The following MEI4 variants were observed in gnomAD, a reference collection of about 807,000 sequenced individuals.
MEI4 encodes the protein meiosis-specific protein MEI4.
A neutral mutation model predicts 31.4 loss-of-function variants in MEI4; 27 were observed. The ratio of observed to expected loss-of-function variants is 0.86; its 90% confidence interval spans 0.63 to 1.19. The LOEUF (loss-of-function observed/expected upper bound fraction) is 1.19, where lower values mean the gene tolerates loss of function less well. Among genes scored for constraint, MEI4 ranks in the 50% most tolerant of loss-of-function variants. MEI4 has a pLI of 0.00. For synonymous variants in MEI4, 122 were observed against 145.4 expected (o/e 0.84, Z 1.16); for missense variants, 329 against 398.9 (o/e 0.82, Z 1.49).
chr6:77,698,220 C>T (rs1766107276), intron 2 of MEI4, among the ~76,000 whole-genome samples: 1 of 152,112 alleles, frequency 6.6e-6, no homozygotes, highest in Admixed American at 6.5e-5. Context: ...CTTCTTTATC[C>T]AATTTGCCAG....
chr6:77,754,215 A>G (rs754444245), intron 2 of MEI4, among the ~76,000 whole-genome samples: 3 of 152,206 alleles, frequency 2.0e-5, no homozygotes, highest in Non-Finnish European at 2.9e-5. Context: ...ACAAACCTGC[A>G]TGTTCTGCAC....
intron 3 of MEI4, among the ~76,000 whole-genome samples, chr6:77,768,896 G>A (rs1338629065): frequency 1.3e-5 from 2 of 151,964 alleles, no homozygotes; most frequent in African/African-American, 4.8e-5. Flanking sequence ...TTTTGCTTGT[G>A]TGTACATAAA....
At chr6:77,852,631 T>C (rs78218699) in intron 4 of MEI4, among the ~76,000 whole-genome samples, 1,522 of 150,110 alleles carry the variant, frequency 0.01, 9 homozygotes, top group Non-Finnish European at 0.017. Context: ...AAGTCCAAGA[T>C]TAAGGCATTG....
At chr6:77,912,755 C>G (rs571055317) in intron 4 of MEI4, among the ~76,000 whole-genome samples, 1 of 152,198 alleles carries the variant, frequency 6.6e-6, no homozygotes, top group South Asian at 2.1e-4. Context: ...CCTAAAGGAA[C>G]AGTTTGACTT....
intron 3 of MEI4, among the ~76,000 whole-genome samples, chr6:77,767,926 C>T (rs1372699777): frequency 7.9e-5 from 12 of 152,174 alleles, no homozygotes; most frequent in Admixed American, 7.9e-4. Context: ...GAACTTTCTT[C>T]AATTTACTTT....
rs371262195 is a variant in MEI4 at position 77,678,379 on chromosome 6, T to G, written c.-14-12279T>G. On this transcript the variant is annotated intron_variant, in intron 1 of 4. Transcript: ENST00000684080. ...TCTCTAATTGGTTAGATCTCAAATT[T>G]TGAGGAAGGCAAGTTCTGATTGGTA... Among the ~76,000 whole-genome samples, 27 of 152,312 alleles carry G rather than the reference T, an allele frequency of 1.8e-4. No homozygotes were observed. In the South Asian group the frequency reaches 5.2e-3, roughly 29 times the overall value.
At chr6:77,795,351 C>G (rs1274680292) in intron 3 of MEI4, among the ~76,000 whole-genome samples, 1 of 152,102 alleles carries the variant, frequency 6.6e-6, no homozygotes, top group East Asian at 1.9e-4. Flanking sequence ...AAAAGACATG[C>G]TTTCCCTCTG....
intron 1 of MEI4, among the ~76,000 whole-genome samples, chr6:77,675,124 ATG>A (rs1247183893): frequency 4.6e-5 from 7 of 152,096 alleles, no homozygotes; most frequent in Non-Finnish European, 1.0e-4. Flanking sequence ...AGTTTTTAAC[ATG>A]TGTCTTTTTG....
intron 4 of MEI4, among the ~76,000 whole-genome samples, chr6:77,913,138 C>T (rs1256963102): frequency 6.6e-6 from 1 of 152,118 alleles, no homozygotes; most frequent in South Asian, 2.1e-4. Flanking sequence ...GGGATGAATT[C>T]TACTTGATCG....
intron 2 of MEI4, among the ~76,000 whole-genome samples, chr6:77,711,004 C>A (rs1766452040): frequency 1.3e-5 from 2 of 152,176 alleles, no homozygotes. Context: ...AATGGAACCC[C>A]CATTCTATTT....
chr6:77,838,492 ACT>A (rs1770277734), intron 4 of MEI4, among the ~76,000 whole-genome samples: 1 of 152,172 alleles, frequency 6.6e-6, no homozygotes, highest in South Asian at 2.1e-4. Context: ...AAAGCTTTAA[ACT>A]CTGTAAACTC....
intron 3 of MEI4, among the ~76,000 whole-genome samples, chr6:77,799,337 G>C (rs1582157909): frequency 6.6e-6 from 1 of 152,052 alleles, no homozygotes; most frequent in Non-Finnish European, 1.5e-5. Context: ...TTTTGATGGG[G>C]TTGTTTGTTT....
At chr6:77,744,544 T>TGGGGAAG in intron 2 of MEI4, among the ~76,000 whole-genome samples, 1 of 152,172 alleles carries the variant, frequency 6.6e-6, no homozygotes, top group South Asian at 2.1e-4. Context: ...GAAAACACTT[T>TGGGGAAG]TCAGGATATT....
chr6:77,780,071 T>C (rs1026071435), intron 3 of MEI4, among the ~76,000 whole-genome samples: 3 of 152,148 alleles, frequency 2.0e-5, no homozygotes, highest in Admixed American at 6.6e-5. Flanking sequence ...CAGACCAGCT[T>C]GCAGGCTGAC....
upstream of MEI4, among the ~76,000 whole-genome samples, chr6:77,651,010 C>T (rs1007638730): frequency 2.6e-5 from 4 of 152,170 alleles, no homozygotes; most frequent in Non-Finnish European, 4.4e-5. Flanking sequence ...AAAGGTGGGA[C>T]AGACGTGGTC....
intron 4 of MEI4, among the ~76,000 whole-genome samples, chr6:77,868,972 T>C (rs1771131838): frequency 6.6e-6 from 1 of 152,068 alleles, no homozygotes; most frequent in Non-Finnish European, 1.5e-5. Flanking sequence ...CTCCTTTGTC[T>C]TTCATCTGGA....
At chr6:77,735,769 C>G (rs1190876208) in intron 2 of MEI4, among the ~76,000 whole-genome samples, 1 of 152,028 alleles carries the variant, frequency 6.6e-6, no homozygotes, top group African/African-American at 2.4e-5. Flanking sequence ...GTGGTTTTAT[C>G]TATTTTTGGT....
chr6:77,909,626 C>G (rs9448249), intron 4 of MEI4, among the ~76,000 whole-genome samples: 125,666 of 152,124 alleles, frequency 0.83, 52,422 homozygotes, highest in East Asian at 0.95. Flanking sequence ...TTCTACCAGA[C>G]GTACAAGGAG....
At chr6:77,804,293 A>T (rs1025629940) in intron 3 of MEI4, among the ~76,000 whole-genome samples, 5 of 152,098 alleles carry the variant, frequency 3.3e-5, no homozygotes, top group Non-Finnish European at 5.9e-5. Flanking sequence ...ATTTGCTAAG[A>T]CCGTTGGAAG....
Sources: gnomAD v4.1 joint callset for allele counts (sites outside exome capture counted in the v4.1 genomes callset) on GRCh38, gnomAD v4.1.1 for gene constraint, MANE v1.5 for transcripts, NCBI Gene and HGNC (gene_info 2026-07-23, HGNC 2026-07-21) for gene names.